Variants in CD22 observed in about 807,000 individuals in gnomAD.
The protein encoded by CD22 is CD22 molecule.
A neutral mutation model predicts 94.7 loss-of-function variants in CD22; 51 were observed. The observed-to-expected ratio is 0.54, with a 90% CI of 0.43 to 0.68. The LOEUF (loss-of-function observed/expected upper bound fraction) is 0.68. Ranked by LOEUF, CD22 falls within the 30% of genes least tolerant of loss-of-function variation. The probability of loss-of-function intolerance (pLI) is 0.00; values close to 1 mark genes in which losing one functional copy is unlikely to be tolerated. For missense variants in CD22, 931 were observed against 1,060.4 expected, an observed-to-expected ratio of 0.88 and a Z score of 1.69; for synonymous variants, 424 against 422.5, an observed-to-expected ratio of 1.00 and a Z score of -0.04.
chr19:35,345,176 G>T (rs767462540), intron 11 of CD22, 50 bp downstream of exon 11: 1 of 1,531,160 alleles, frequency 6.5e-7, no homozygotes, highest in South Asian at 1.1e-5. Flanking sequence ...CCAGCACTTT[G>T]GGAGGCTGAG....
Position 35,346,818 on chromosome 19 carries a change from G to GCACGCA in CD22, c.*124_*125insGCACAC. The GCACGCA allele has an allele frequency of 1.5e-6, 1 of 665,666 alleles. No individual in the cohort carries two copies. Among genetic ancestry groups the GCACGCA allele is most frequent in the East Asian group, 3.3e-5 (1 of 30,540 alleles). 41.2% of individuals were successfully genotyped at this position (665,666 alleles called of 1,614,324 possible). On this transcript the variant is annotated 3_prime_UTR_variant, in exon 14 of 14. Transcript: ENST00000085219. ...CATGTGCGCACACACACACACACAC[G>GCACGCA]CACACACACACACACACACTCACTG...
chr19:35,344,557 G>A (rs2066870851), intron 9 of CD22, among the ~76,000 whole-genome samples: 1 of 152,246 alleles, frequency 6.6e-6, no homozygotes, highest in Non-Finnish European at 1.5e-5. Flanking sequence ...GCCGTGAAGA[G>A]CTGCACCCAT....
intron 9 of CD22, 98 bp downstream of exon 9, chr19:35,342,063 T>C (rs1029805962): frequency 2.3e-4 from 252 of 1,111,244 alleles, no homozygotes; most frequent in Non-Finnish European, 3.0e-4. Context: ...CCTTTCTTTC[T>C]CTCTTTCTTT....
chr19:35,341,440 C>T lies in CD22; in HGVS notation c.1605C>T (p.His535=), dbSNP rs2066807057. The T allele has an allele frequency of 1.9e-6, 3 of 1,614,040 alleles. No individual in the cohort carries two copies. The highest frequency in any genetic ancestry group is 2.5e-6 in the Non-Finnish European group (3 of 1,180,024). Residue 535 remains histidine (H), a synonymous_variant, in exon 8 of 14, where the codon CAC becomes CAT. Coordinates refer to ENST00000085219, the MANE Select transcript of CD22 (RefSeq NM_001771.4). This position sits in a 1 kb window ranked among gnomAD's most constrained non-coding sequence, Gnocchi z 4.0. The stretch of plus-strand genomic sequence containing the variant: ...TCCAATGTGACTTCTCAAGCAGCCA[C>T]CCCAAAGAAGTCCAGTTCTTCTGGG... The part of the protein sequence containing the change: ...VSLQCDFSSS[H]PKEVQFFWEK...
chr19:35,336,424 C>T, intron 4 of CD22, 83 bp downstream of exon 4: 1 of 1,386,506 alleles, frequency 7.2e-7, no homozygotes. Flanking sequence ...GCACCCAGGG[C>T]AGGGGGAAGC....
At position 35,336,129 on chromosome 19, in the gene CD22, G is replaced by C; in HGVS notation, c.506G>C (p.Gly169Ala). ...TGCTTGCTGAATTTCTCCTGCTATG[G>C]GTATCCGATCCAATTGCAGTGGCTC... ...LTCLLNFSCY[G>A]YPIQLQWLLE... The change falls in exon 4 of 14, where the codon GGG becomes GCG. Residue 169 changes from glycine to alanine, a missense_variant. Physicochemically the swap from Gly to Ala is moderately conservative, Grantham distance 60 (BLOSUM62 0). Transcript: ENST00000085219. The C allele has an allele frequency of 6.2e-7, 1 of 1,614,066 alleles. No individual in the cohort carries two copies. Among genetic ancestry groups the C allele is most frequent in the Non-Finnish European group, 8.5e-7 (1 of 1,180,002 alleles).
At chr19:35,342,878 A>T (rs868465916) in intron 9 of CD22, among the ~76,000 whole-genome samples, 64 of 151,610 alleles carry the variant, frequency 4.2e-4, no homozygotes, top group Middle Eastern at 3.4e-3. Context: ...TGGCGTGATC[A>T]CGGCTCACTG....
intron 6 of CD22, among the ~76,000 whole-genome samples, chr19:35,339,493 C>T (rs992842266): frequency 3.3e-5 from 5 of 150,592 alleles, no homozygotes; most frequent in Admixed American, 6.6e-5. Flanking sequence ...GAAGTAGAGG[C>T]TGCAGTGAGC....
chr19:35,346,428 C>A, intron 13 of CD22, 138 bp from the exon 14 acceptor site: 1 of 1,268,752 alleles, frequency 7.9e-7, no homozygotes, highest in Non-Finnish European at 1.1e-6. Context: ...GGATGCCGGC[C>A]ACAGCCAGTT....
In CD22 at chr19:35,331,772, G is replaced by T. The variant is rs1599671071; in HGVS notation, c.-22-247G>T. Reference sequence around the variant, plus strand: ...TGAGGCCAGAGAAACGCTTGAGCCTGGGAAGCAGAGGTTGCAGTGAGCGGA... The same window carrying T: ...TGAGGCCAGAGAAACGCTTGAGCCTTGGAAGCAGAGGTTGCAGTGAGCGGA... On this transcript the variant is annotated intron_variant, in intron 1 of 13. Transcript: ENST00000085219. 7.1e-6 allele frequency: 4 copies of T among 567,320 alleles called. No individual in the cohort carries two copies. In the East Asian group the frequency reaches 1.4e-4, roughly 20 times the overall value. 35.1% of individuals were successfully genotyped at this position (567,320 alleles called of 1,614,324 possible).
intron 13 of CD22, 73 bp from the exon 14 acceptor site, chr19:35,346,493 G>T: frequency 6.5e-7 from 1 of 1,549,416 alleles, no homozygotes; most frequent in Non-Finnish European, 8.7e-7. Context: ...GAATGAAGGA[G>T]AGAATGCGGA....
In CD22 at chr19:35,338,410, G is replaced by A. The variant is rs544107138; in HGVS notation, c.1228G>A (p.Gly410Arg). ...TCTTGGTACTGGACAGAGGGGCCCG[G>A]GAGCTGAGCTGGATGTCCAGTGTGA... ...NILGTGQRGP[G>R]AELDVQYPPK... The change falls in exon 6 of 14, where the codon GGA (glycine) becomes AGA (arginine). Residue 410 changes from glycine to arginine, a missense_variant. Physicochemically the swap from Gly to Arg is moderately radical, Grantham distance 125. Coordinates refer to ENST00000085219, the MANE Select transcript of CD22 (RefSeq NM_001771.4). The A allele has an allele frequency of 7.4e-6, 12 of 1,613,668 alleles. No homozygotes were observed. In the Admixed American group the frequency reaches 1.2e-4, roughly 16 times the overall value.
chr19:35,332,443 T>A (rs2066658440), intron 2 of CD22, 104 bp from the exon 3 acceptor site: 16 of 1,225,436 alleles, frequency 1.3e-5, no homozygotes, highest in Non-Finnish European at 1.8e-5. Context: ...AAGACCCCTA[T>A]CTCTAAAAAG....
Position 35,341,209 on chromosome 19 carries a change from G to T in CD22, c.1507+71G>T. On this transcript the variant is annotated intron_variant, in intron 7 of 13. Coordinates refer to ENST00000085219, the MANE Select transcript of CD22 (RefSeq NM_001771.4). The surrounding 1 kb of genome is among the most constrained non-coding windows in gnomAD (Gnocchi z 4.0). ...GGGATGAGGGGATGAAGGCAACGAG[G>T]CCGGAGCCTGGGCCAGTGTCTTCAA... The T allele has an allele frequency of 6.2e-7, 1 of 1,606,080 alleles. No homozygotes were observed. The highest frequency in any genetic ancestry group is 8.5e-7 in the Non-Finnish European group (1 of 1,174,396).
At chr19:35,346,305 G>T (rs2066906772) in intron 13 of CD22, 70 bp downstream of exon 13, 1 of 1,370,666 alleles carries the variant, frequency 7.3e-7, no homozygotes, top group Non-Finnish European at 1.0e-6. Flanking sequence ...GGCCTCAGTG[G>T]TGGGTCCCAC....
rs752186748 is a variant in CD22, at chr19:35,337,782, C to A, written c.746C>A (p.Thr249Asn). 3.1e-6 allele frequency: 5 copies of A among 1,608,330 alleles called. No individual in the cohort carries two copies. The East Asian group carries it at 8.9e-5, about 29-fold the overall frequency. The change falls in exon 5 of 14, where the codon ACT becomes AAT. Residue 249 changes from threonine (T) to asparagine (N), a missense_variant. Thr to Asn is a moderately conservative substitution (Grantham distance 65). Coordinates refer to ENST00000085219, the MANE Select transcript of CD22 (RefSeq NM_001771.4). The surrounding 1 kb of genome is among the most constrained non-coding windows in gnomAD (Gnocchi z 4.4). ...KHTPKLEIKVTPSDAIVREGD... is the reference protein window; with the variant it reads ...KHTPKLEIKVNPSDAIVREGD... ...ACCCCGAAGTTGGAGATCAAGGTCA[C>A]TCCCAGTGATGCCATAGTGAGGGAG...
chr19:35,347,021 C>G lies in CD22; in HGVS notation c.*324C>G. 3.9e-6 allele frequency: 1 copy of G among 255,912 alleles called. No individual in the cohort carries two copies. Among genetic ancestry groups the G allele is most frequent in the South Asian group, 6.1e-5 (1 of 16,522 alleles). The allele number at this position is 255,912 out of a possible 1,614,324, so 15.9% of individuals were successfully genotyped here. ...CCACGGCCACTGGCCATCTCCACCC[C>G]CAGCTGCTTGTGTCCCTCCTGGGAT... On this transcript the variant is annotated 3_prime_UTR_variant, in exon 14 of 14. Coordinates refer to ENST00000085219, the MANE Select transcript of CD22 (RefSeq NM_001771.4).
intron 9 of CD22, among the ~76,000 whole-genome samples, chr19:35,343,773 C>T (rs116786668): frequency 2.0e-3 from 309 of 152,152 alleles, no homozygotes; most frequent in African/African-American, 7.3e-3. Flanking sequence ...ACAAACAAAA[C>T]AATAACAACA....
In CD22 at chr19:35,337,141, A is replaced by G. The variant is rs1376928866; in HGVS notation, c.719-614A>G. 6.6e-6 allele frequency among the ~76,000 whole-genome samples: 1 copy of G among 152,208 alleles called. No individual in the cohort carries two copies. Among genetic ancestry groups the G allele is most frequent in the Non-Finnish European group, 1.5e-5 (1 of 68,026 alleles). ...GTAGTCCCAGCTACTTGGGAGGCCA[A>G]GGCAGGAGAATGACATGAACCCAGG... is the stretch of plus-strand genomic sequence containing the variant. On this transcript the variant is annotated intron_variant, in intron 4 of 13. Coordinates refer to ENST00000085219, the MANE Select transcript of CD22 (RefSeq NM_001771.4). The surrounding 1 kb of genome is among the most constrained non-coding windows in gnomAD (Gnocchi z 4.4).
Sources: gnomAD v4.1 joint callset for allele counts (sites outside exome capture counted in the v4.1 genomes callset) on GRCh38, gnomAD v4.1.1 for gene constraint, Gnocchi (gnomAD v3.1) non-coding constraint, MANE v1.5 for transcripts, NCBI Gene and HGNC (gene_info 2026-07-23, HGNC 2026-07-21) for gene names.